Variants in OPCML observed in about 807,000 individuals in gnomAD.
OPCML encodes opioid binding protein/cell adhesion molecule like, also known as opioid-binding protein/cell adhesion molecule.
OPCML carries 13 observed loss-of-function variants against 37.8 expected under a neutral mutation model. That is an observed-to-expected ratio of 0.34 (90% CI 0.22 to 0.55). OPCML has a LOEUF of 0.55. OPCML is among the 20% of genes least tolerant of loss of function. The pLI is 0.91. For missense variants in OPCML, 341 were observed against 435.6 expected (o/e 0.78, Z 1.93); for synonymous variants, 176 against 168.8 (o/e 1.04, Z -0.33).
chr11:133,195,175 G>A (rs180842937), intron 1 of OPCML, among the ~76,000 whole-genome samples: 2 of 152,192 alleles, frequency 1.3e-5, no homozygotes, highest in East Asian at 3.9e-4. Flanking sequence ...GATACTCATG[G>A]GGGAAAATGC....
At chr11:132,879,994 C>T (rs1943166846) in intron 2 of OPCML, among the ~76,000 whole-genome samples, 1 of 152,160 alleles carries the variant, frequency 6.6e-6, no homozygotes, top group South Asian at 2.1e-4. Flanking sequence ...TTAACCTTCC[C>T]CCAGCCCCAG....
At chr11:133,530,098 G>T (rs866249029) in intron 1 of OPCML, among the ~76,000 whole-genome samples, 1 of 152,206 alleles carries the variant, frequency 6.6e-6, no homozygotes, top group Non-Finnish European at 1.5e-5. Context: ...GGGCAGGGGG[G>T]TGGGGGGGAT....
In OPCML at chr11:132,944,738, CTCTT is replaced by C. The variant is rs1362869935; in HGVS notation, c.62-1732_62-1729del. 4.6e-5 allele frequency among the ~76,000 whole-genome samples: 7 copies of C among 152,282 alleles called. No individual in the cohort carries two copies. The South Asian group carries it at 1.4e-3, about 32-fold the overall frequency. On this transcript the variant is annotated intron_variant, in intron 1 of 7. Transcript: ENST00000524381. The stretch of plus-strand genomic sequence containing the variant: ...CCCCTTTCTTTGGTCTCGGATTTGT[CTCTT>C]TCTGCTCTAAACCCCAGAGCTCCGC...
chr11:133,241,343 A>C (rs994326597), intron 1 of OPCML, among the ~76,000 whole-genome samples: 2 of 152,258 alleles, frequency 1.3e-5, no homozygotes, highest in Non-Finnish European at 2.9e-5. Flanking sequence ...AAATGAATTC[A>C]TGTACAAAAA....
intron 2 of OPCML, among the ~76,000 whole-genome samples, chr11:132,682,047 C>T (rs1942968200): frequency 6.6e-6 from 1 of 152,116 alleles, no homozygotes; most frequent in Non-Finnish European, 1.5e-5. Flanking sequence ...AGCGCTGTAA[C>T]ACGTGCCCTC....
chr11:132,416,810 C>T lies in OPCML; in HGVS notation c.*3383G>A, dbSNP rs1375613781. The T allele has an allele frequency of 1.3e-5, 2 of 152,612 alleles. No individual in the cohort carries two copies. Among genetic ancestry groups the T allele is most frequent in the African/African-American group, 4.8e-5 (2 of 41,438 alleles). 9.5% of individuals were successfully genotyped at this position (152,612 alleles called of 1,614,324 possible). ...ACCACTTCTCTACATCTCCCCCTCCCTGAATTAAAGCAAGAATGAGAAAAA... is the reference window on the plus strand; with the variant it reads ...ACCACTTCTCTACATCTCCCCCTCCTTGAATTAAAGCAAGAATGAGAAAAA... On this transcript the variant is annotated 3_prime_UTR_variant, in exon 8 of 8. Coordinates refer to ENST00000524381, the MANE Select transcript of OPCML (RefSeq NM_001012393.5).
intron 1 of OPCML, among the ~76,000 whole-genome samples, chr11:133,430,411 T>C (rs1946092834): frequency 2.0e-5 from 3 of 152,172 alleles, no homozygotes; most frequent in African/African-American, 7.2e-5. Flanking sequence ...TTAGTACATA[T>C]GGCAAAGAAT....
intron 2 of OPCML, among the ~76,000 whole-genome samples, chr11:132,677,492 C>T (rs184475936): frequency 2.1e-4 from 32 of 152,192 alleles, no homozygotes; most frequent in South Asian, 2.1e-4. Context: ...ACTGACAGTA[C>T]CTGGCTTCAA....
intron 3 of OPCML, among the ~76,000 whole-genome samples, chr11:132,623,289 G>T (rs1021415586): frequency 6.6e-6 from 1 of 151,766 alleles, no homozygotes; most frequent in East Asian, 1.9e-4. Context: ...GCTTCACTTC[G>T]CCTGGAAATT....
At chr11:133,375,024 G>T (rs573832646) in intron 1 of OPCML, among the ~76,000 whole-genome samples, 1 of 152,186 alleles carries the variant, frequency 6.6e-6, no homozygotes, top group Non-Finnish European at 1.5e-5. Context: ...AATTTAAGCT[G>T]TTGGTAGACA....
intron 2 of OPCML, among the ~76,000 whole-genome samples, chr11:132,682,862 A>T (rs1943012530): frequency 6.6e-6 from 1 of 152,214 alleles, no homozygotes; most frequent in Non-Finnish European, 1.5e-5. Flanking sequence ...ATTCCCCTGC[A>T]TGTGGAAGGT....
At chr11:133,349,406 G>C (rs2136688513) in intron 1 of OPCML, among the ~76,000 whole-genome samples, 1 of 152,256 alleles carries the variant, frequency 6.6e-6, no homozygotes, top group African/African-American at 2.4e-5. Flanking sequence ...CTCAGGTATT[G>C]TGGGAAGTAC....
intron 3 of OPCML, among the ~76,000 whole-genome samples, chr11:132,603,697 G>A (rs1023849467): frequency 6.6e-6 from 1 of 152,150 alleles, no homozygotes; most frequent in Non-Finnish European, 1.5e-5. Flanking sequence ...TATAAATGGT[G>A]CATGCTTTTC....
chr11:132,434,878 G>A (rs1218057047), intron 7 of OPCML, among the ~76,000 whole-genome samples: 1 of 152,094 alleles, frequency 6.6e-6, no homozygotes, highest in East Asian at 1.9e-4. Context: ...ATAGCAGAAT[G>A]AGCATTCTTT....
In OPCML at chr11:133,078,473, C is replaced by T. The variant is rs139321454; in HGVS notation, c.62-135463G>A. On this transcript the variant is annotated intron_variant, in intron 1 of 7. Transcript: ENST00000524381. ...GGAGTGAGCAGGTCCTTGTGTAAAC[C>T]GGTGACAAAGAAAGGAATATGTTTC... is the stretch of plus-strand genomic sequence containing the variant. 4.0e-3 allele frequency among the ~76,000 whole-genome samples: 607 copies of T among 152,286 alleles called. 4 individuals carry two copies. The highest frequency in any genetic ancestry group is 0.013 in the African/African-American group (554 of 41,558).
intron 1 of OPCML, among the ~76,000 whole-genome samples, chr11:133,411,627 T>C (rs1378213464): frequency 6.6e-6 from 1 of 152,128 alleles, no homozygotes; most frequent in Non-Finnish European, 1.5e-5. Flanking sequence ...CTTCAAGTGC[T>C]CCCAGGCATT....
intron 2 of OPCML, among the ~76,000 whole-genome samples, chr11:132,871,658 G>A (rs577225824): frequency 8.5e-5 from 13 of 152,286 alleles, no homozygotes; most frequent in South Asian, 2.1e-4. Context: ...GGGATGAAGC[G>A]CCACCGATGT....
chr11:133,393,248 A>T (rs1945211695), intron 1 of OPCML, among the ~76,000 whole-genome samples: 1 of 152,234 alleles, frequency 6.6e-6, no homozygotes, highest in South Asian at 2.1e-4. Context: ...AACATATATT[A>T]AATGAGGTGT....
intron 1 of OPCML, among the ~76,000 whole-genome samples, chr11:133,197,331 G>A (rs1291840726): frequency 6.6e-6 from 1 of 152,126 alleles, no homozygotes; most frequent in East Asian, 1.9e-4. Flanking sequence ...CTTTATCTAA[G>A]AAAGGATCAA....
Sources: gnomAD v4.1 joint callset for allele counts (sites outside exome capture counted in the v4.1 genomes callset) on GRCh38, gnomAD v4.1.1 for gene constraint, MANE v1.5 for transcripts, NCBI Gene and HGNC (gene_info 2026-07-23, HGNC 2026-07-21) for gene names.